SMG7: variants seen among roughly 807,000 people sequenced by gnomAD.
SMG7 encodes nonsense-mediated mRNA decay factor SMG7.
A neutral mutation model predicts 148.2 loss-of-function variants in SMG7; 34 were observed. The ratio of observed to expected loss-of-function variants is 0.23; its 90% CI spans 0.17 to 0.31. The LOEUF (loss-of-function observed/expected upper bound fraction) is 0.31, where lower values mean the gene tolerates loss of function less well. SMG7 is among the 10% of genes least tolerant of loss of function. The probability of loss-of-function intolerance (pLI) is 1.00; values close to 1 mark genes in which losing one functional copy is unlikely to be tolerated. For synonymous variants in SMG7, 492 were observed against 515.1 expected, an observed-to-expected ratio of 0.96 and a Z score of 0.61; for missense variants, 1,114 against 1,408.4, an observed-to-expected ratio of 0.79 and a Z score of 3.35.
At chr1:183,511,759 G>C (rs969716593) in intron 1 of SMG7, among the ~76,000 whole-genome samples, 1 of 152,202 alleles carries the variant, frequency 6.6e-6, no homozygotes, top group Non-Finnish European at 1.5e-5. Flanking sequence ...GAATGAAGTG[G>C]AGGAAACAAA....
intron 4 of SMG7, 42 bp from the exon 5 acceptor site, chr1:183,526,554 C>T: frequency 7.4e-7 from 1 of 1,350,220 alleles, no homozygotes; most frequent in East Asian, 2.3e-5. Flanking sequence ...ACTTTTAGAG[C>T]ACTTGTGACT....
At chr1:183,496,580 A>G (rs1658536816) in intron 1 of SMG7, among the ~76,000 whole-genome samples, 2 of 152,144 alleles carry the variant, frequency 1.3e-5, no homozygotes, top group Admixed American at 1.3e-4. Flanking sequence ...TTTATTTTTC[A>G]GGAGCATTTA....
At chr1:183,521,563 A>G (rs1413681462) in intron 4 of SMG7, among the ~76,000 whole-genome samples, 2 of 152,168 alleles carry the variant, frequency 1.3e-5, no homozygotes, top group Non-Finnish European at 2.9e-5. Context: ...ATAAGCTAAG[A>G]TGAGTTTTGA....
In SMG7 at chr1:183,550,826, A is replaced by G. The variant is rs767144493; in HGVS notation, c.3209A>G (p.Asn1070Ser). 1.9e-6 allele frequency: 3 copies of G among 1,613,976 alleles called. No individual in the cohort carries two copies. Among genetic ancestry groups the G allele is most frequent in the South Asian group, 2.2e-5 (2 of 91,080 alleles). The change falls in exon 21 of 23, where the codon AAC becomes AGC. Residue 1070 changes from asparagine (N) to serine (S), a missense_variant. Asn to Ser is a conservative substitution (Grantham distance 46, BLOSUM62 1). This residue lies in a region of SMG7 where 788 missense variants were observed against 894.5 expected (regional missense o/e 0.88). Coordinates refer to ENST00000688051, the MANE Select transcript of SMG7 (RefSeq NM_001375584.1). ...CTACCCAGCTCTCCTCCAACACACAACCATAATTCTGTTCCATTCTCCAAT... is the reference window on the plus strand; with the variant it reads ...CTACCCAGCTCTCCTCCAACACACAGCCATAATTCTGTTCCATTCTCCAAT... ...SSLPSSPPTH[N>S]HNSVPFSNFG...
At chr1:183,482,234 G>A (rs538972032) in intron 1 of SMG7, among the ~76,000 whole-genome samples, 13 of 151,610 alleles carry the variant, frequency 8.6e-5, no homozygotes, top group African/African-American at 2.9e-4. Context: ...GGGGGTGGGG[G>A]GTCTAAGGTT....
chr1:183,521,514 T>A (rs1367542134), intron 4 of SMG7, among the ~76,000 whole-genome samples: 1 of 152,152 alleles, frequency 6.6e-6, no homozygotes, highest in Non-Finnish European at 1.5e-5. Flanking sequence ...TAGCACCAGA[T>A]TGAGAAAGTA....
chr1:183,545,512 T>C (rs1265197338), intron 16 of SMG7, among the ~76,000 whole-genome samples, 200 bp downstream of exon 16: 5 of 152,202 alleles, frequency 3.3e-5, no homozygotes, highest in African/African-American at 1.2e-4. Context: ...AAATACTAGA[T>C]CTTAAGTACC....
Position 183,552,600 on chromosome 1 carries a change from C to T in SMG7, c.*669C>T, listed in dbSNP as rs1671238868. Reference sequence around the variant, plus strand: ...TGTCAGAAGGCTCTGGTAGGCCTTCCTCTGGCCAGGAGACTCCAGCAGGGA... The same window carrying T: ...TGTCAGAAGGCTCTGGTAGGCCTTCTTCTGGCCAGGAGACTCCAGCAGGGA... On this transcript the variant is annotated 3_prime_UTR_variant, in exon 23 of 23. Coordinates refer to ENST00000688051, the MANE Select transcript of SMG7 (RefSeq NM_001375584.1). 1 of 1,022,832 alleles carries T rather than the reference C, an allele frequency of 9.8e-7. No individual in the cohort carries two copies. Among genetic ancestry groups the T allele is most frequent in the Admixed American group, 5.2e-5 (1 of 19,378 alleles). The allele number at this position is 1,022,832 out of a possible 1,614,324, so 63.4% of individuals were successfully genotyped here. A position where few individuals can be genotyped will look rare whatever the true frequency, so the allele number is the denominator to read the frequency against.
chr1:183,548,605 G>C (rs1003508373), intron 18 of SMG7, among the ~76,000 whole-genome samples: 1 of 152,014 alleles, frequency 6.6e-6, no homozygotes, highest in Non-Finnish European at 1.5e-5. Context: ...TTCTCTTGTC[G>C]TAGGTATTTA....
At chr1:183,473,505 G>GA (rs1651306935) in intron 1 of SMG7, among the ~76,000 whole-genome samples, 1 of 152,106 alleles carries the variant, frequency 6.6e-6, no homozygotes, top group Admixed American at 6.6e-5. Context: ...GTTGAACTTA[G>GA]TACCTGATGG....
intron 12 of SMG7, 118 bp from the exon 13 acceptor site, chr1:183,540,866 G>A (rs1306544894): frequency 3.8e-6 from 3 of 785,410 alleles, no homozygotes; most frequent in Middle Eastern, 2.5e-4. Flanking sequence ...ATTACATCAA[G>A]TAGCTAACCT....
intron 4 of SMG7, among the ~76,000 whole-genome samples, chr1:183,523,253 CAA>C (rs989671020): frequency 2.0e-5 from 3 of 152,080 alleles, no homozygotes; most frequent in Admixed American, 6.6e-5. Flanking sequence ...GCTGAGGAGA[CAA>C]GAGATAGTGT....
intron 4 of SMG7, among the ~76,000 whole-genome samples, chr1:183,521,066 C>T (rs1169216591): frequency 1.3e-5 from 2 of 150,134 alleles, no homozygotes; most frequent in Non-Finnish European, 3.0e-5. Context: ...TAGAATTTTT[C>T]ACTTGCTTTT....
At position 183,551,025 on chromosome 1, in the gene SMG7, T is replaced by TATC; in HGVS notation, c.3305-19_3305-17dup. The TATC allele has an allele frequency of 6.2e-7, 1 of 1,614,044 alleles. No individual in the cohort carries two copies. The highest frequency in any genetic ancestry group is 8.5e-7 in the Non-Finnish European group (1 of 1,179,958). On this transcript the variant is annotated intron_variant, in intron 21 of 22. Transcript: ENST00000688051. ...ATAGAACATCTTCTTGAATTTTTCT[T>TATC]ATCTCTTTTCATCCCTTAGCCATGG...
At chr1:183,541,574 C>T (rs961440400) in intron 13 of SMG7, among the ~76,000 whole-genome samples, 7 of 151,946 alleles carry the variant, frequency 4.6e-5, no homozygotes, top group African/African-American at 1.7e-4. Flanking sequence ...AGTTCCGTTT[C>T]GAGTTCCGCA....
At chr1:183,525,866 T>G (rs188236686) in intron 4 of SMG7, among the ~76,000 whole-genome samples, 75 of 152,274 alleles carry the variant, frequency 4.9e-4, no homozygotes, top group Admixed American at 2.6e-3. Flanking sequence ...GAAAATAAAT[T>G]GCAAGAAATA....
intron 14 of SMG7, among the ~76,000 whole-genome samples, chr1:183,542,961 G>A (rs559448985): frequency 2.4e-5 from 3 of 123,490 alleles, no homozygotes; most frequent in Admixed American, 8.7e-5. Flanking sequence ...GTGTGTGTGT[G>A]TGTGTGTGTA....
chr1:183,477,485 C>CTATATATGCATATATACAT (rs1557935151), intron 1 of SMG7, among the ~76,000 whole-genome samples: 1 of 125,150 alleles, frequency 8.0e-6, no homozygotes, highest in Non-Finnish European at 1.8e-5. Context: ...CATATATACA[C>CTATATATGCATATATACAT]GTGTGTGCAT....
rs1292508020 is a variant in SMG7 at position 183,527,469 on chromosome 1, G to C, written c.485-487G>C. 6.6e-6 allele frequency among the ~76,000 whole-genome samples: 1 copy of C among 152,158 alleles called. No individual in the cohort carries two copies. Among genetic ancestry groups the C allele is most frequent in the Non-Finnish European group, 1.5e-5 (1 of 68,024 alleles). On this transcript the variant is annotated intron_variant, in intron 5 of 22. Transcript: ENST00000688051. The surrounding 1 kb of genome is among the most constrained non-coding windows in gnomAD (Gnocchi z 4.0). ...TGGCAGGGAGATTCATTGATACTGT[G>C]TTTAGGTTGTTTTGCTTTAAATATA...
Sources: gnomAD v4.1 joint callset for allele counts (sites outside exome capture counted in the v4.1 genomes callset) on GRCh38, gnomAD v4.1.1 for gene constraint, gnomAD v4.1.1 regional missense constraint, Gnocchi (gnomAD v3.1) non-coding constraint, MANE v1.5 for transcripts, NCBI Gene and HGNC (gene_info 2026-07-23, HGNC 2026-07-21) for gene names.